UNC13C: variants seen among roughly 807,000 people sequenced by gnomAD.
UNC13C encodes the protein unc-13 homolog C.
In UNC13C, 174 loss-of-function variants were observed where a neutral mutation model predicts 245.4. That is an observed-to-expected ratio of 0.71 (90% CI 0.63 to 0.80). The LOEUF (loss-of-function observed/expected upper bound fraction) is 0.80, where lower values mean the gene tolerates loss of function less well. Among genes scored for constraint, UNC13C ranks in the 30% least tolerant of loss-of-function variants. UNC13C has a pLI of 0.00. For synonymous variants in UNC13C, 992 were observed against 895.1 expected (o/e 1.11, Z -1.93); for missense variants, 2,829 against 2,602.9 (o/e 1.09, Z -1.89).
At chr15:54,076,120 T>G (rs1162136041) in intron 2 of UNC13C, among the ~76,000 whole-genome samples, 1 of 149,140 alleles carries the variant, frequency 6.7e-6, no homozygotes, top group African/African-American at 2.4e-5. Flanking sequence ...TATTTTTTTT[T>G]ATTATACTTT....
chr15:53,858,067 C>T, the UNC13C span, among the ~76,000 whole-genome samples: 2 of 152,084 alleles, frequency 1.3e-5, no homozygotes, highest in Non-Finnish European at 2.9e-5. Flanking sequence ...TAATTTAGCT[C>T]TTGCTGAAAT....
chr15:53,932,642 T>A, the UNC13C span, among the ~76,000 whole-genome samples: 1 of 152,166 alleles, frequency 6.6e-6, no homozygotes, highest in African/African-American at 2.4e-5. Flanking sequence ...TAACCCTTTC[T>A]TCTGAGTTTC....
At chr15:54,457,501 T>G (rs1360440492) in intron 19 of UNC13C, among the ~76,000 whole-genome samples, 1 of 152,098 alleles carries the variant, frequency 6.6e-6, no homozygotes, top group African/African-American at 2.4e-5. Flanking sequence ...TGAATCCATC[T>G]GGCCGTGGAC....
intron 13 of UNC13C, among the ~76,000 whole-genome samples, chr15:54,301,838 G>C (rs1404314598): frequency 6.6e-6 from 1 of 152,028 alleles, no homozygotes; most frequent in Non-Finnish European, 1.5e-5. Context: ...GGTATTTCTA[G>C]TTCTAGATCC....
At chr15:54,511,909 C>G (rs1401407565) in intron 24 of UNC13C, 79 bp downstream of exon 24, 1 of 1,033,612 alleles carries the variant, frequency 9.7e-7, no homozygotes, top group African/African-American at 1.6e-5. Flanking sequence ...ATGAAAGTGT[C>G]TTAATCAAGT....
intron 2 of UNC13C, among the ~76,000 whole-genome samples, chr15:54,082,119 T>G (rs540538276): frequency 6.6e-6 from 1 of 152,322 alleles, no homozygotes; most frequent in East Asian, 1.9e-4. Flanking sequence ...GGCCCCTAAT[T>G]TCTTCTGGTT....
chr15:54,551,215 T>C (rs1896722497), intron 28 of UNC13C, among the ~76,000 whole-genome samples: 1 of 152,110 alleles, frequency 6.6e-6, no homozygotes, highest in African/African-American at 2.4e-5. Context: ...AGACCTTCAT[T>C]TCTGTGTGTA....
At chr15:53,999,868 T>C (rs1894805473) in intron 1 of UNC13C, among the ~76,000 whole-genome samples, 2 of 152,082 alleles carry the variant, frequency 1.3e-5, no homozygotes, top group Non-Finnish European at 2.9e-5. Context: ...TTCATTCTTA[T>C]TGTTTTTTAA....
chr15:54,053,526 T>G lies in UNC13C; in HGVS notation c.2983+37640T>G, dbSNP rs1055435905. On this transcript the variant is annotated intron_variant, in intron 2 of 32. Transcript: ENST00000260323. ...TTATTGGCTGTATATTAGATACATA[T>G]ATTTATGGGGTACATGGCATATTTT... 4.6e-5 allele frequency among the ~76,000 whole-genome samples: 7 copies of G among 152,214 alleles called. No individual in the cohort carries two copies. The East Asian group carries it at 1.2e-3, about 25-fold the overall frequency.
chr15:54,208,034 A>G (rs2034769131), intron 4 of UNC13C, among the ~76,000 whole-genome samples: 1 of 152,166 alleles, frequency 6.6e-6, no homozygotes. Context: ...AAAGCTGTAC[A>G]AGAAGCATGG....
intron 30 of UNC13C, among the ~76,000 whole-genome samples, chr15:54,581,813 T>C (rs74014233): frequency 0.033 from 5,026 of 152,188 alleles, 305 homozygotes; most frequent in African/African-American, 0.11. Flanking sequence ...TAATCAGCCT[T>C]TTTGGTGCTG....
At chr15:54,140,341 C>T (rs2031955319) in intron 2 of UNC13C, among the ~76,000 whole-genome samples, 1 of 151,702 alleles carries the variant, frequency 6.6e-6, no homozygotes, top group Admixed American at 6.6e-5. Flanking sequence ...TTGTCCATTC[C>T]AATATTTAAG....
chr15:54,003,909 G>T (rs1895016617), intron 1 of UNC13C, among the ~76,000 whole-genome samples: 3 of 152,068 alleles, frequency 2.0e-5, no homozygotes, highest in African/African-American at 7.2e-5. Flanking sequence ...TACTTGGGAG[G>T]CTGAGGCAGG....
chr15:53,885,479 T>A, the UNC13C span, among the ~76,000 whole-genome samples: 1 of 152,188 alleles, frequency 6.6e-6, no homozygotes, highest in Non-Finnish European at 1.5e-5. Context: ...CTTACTGCAT[T>A]TGGTGTCAGT....
intron 19 of UNC13C, among the ~76,000 whole-genome samples, chr15:54,481,040 G>A (rs994389195): frequency 2.6e-5 from 4 of 152,148 alleles, no homozygotes; most frequent in Non-Finnish European, 5.9e-5. Context: ...CTATAGTATT[G>A]GTTTGGTAGG....
intron 18 of UNC13C, among the ~76,000 whole-genome samples, chr15:54,405,942 T>C (rs2040282543): frequency 6.6e-6 from 1 of 151,502 alleles, no homozygotes. Flanking sequence ...ACTGTGTAAA[T>C]GTAATTAATA....
intron 2 of UNC13C, among the ~76,000 whole-genome samples, chr15:54,074,961 T>C (rs1448648249): frequency 6.6e-6 from 1 of 152,160 alleles, no homozygotes; most frequent in Non-Finnish European, 1.5e-5. Context: ...TCTTCAAGAA[T>C]TGGTTACCTT....
At chr15:54,284,409 C>T (rs1182831707) in intron 10 of UNC13C, among the ~76,000 whole-genome samples, 9 of 152,158 alleles carry the variant, frequency 5.9e-5, no homozygotes, top group Admixed American at 1.3e-4. Flanking sequence ...TTGCTGCAGG[C>T]ACTAGAGCTT....
chr15:53,957,902 A>C, the UNC13C span, among the ~76,000 whole-genome samples: 1 of 152,242 alleles, frequency 6.6e-6, no homozygotes, highest in Non-Finnish European at 1.5e-5. Context: ...AGGCATCAGC[A>C]AACATCTTTT....
Sources: gnomAD v4.1 joint callset for allele counts (sites outside exome capture counted in the v4.1 genomes callset) on GRCh38, gnomAD v4.1.1 for gene constraint, MANE v1.5 for transcripts, NCBI Gene and HGNC (gene_info 2026-07-23, HGNC 2026-07-21) for gene names.